The following KLHL29 variants were observed in gnomAD, a reference collection of about 807,000 sequenced individuals.
The protein encoded by KLHL29 is kelch-like protein 29.
In KLHL29, 21 loss-of-function variants were observed where a neutral mutation model predicts 80.4. The ratio of observed to expected loss-of-function variants is 0.26; its 90% CI spans 0.19 to 0.38. KLHL29 has a LOEUF of 0.38. Among genes scored for constraint, KLHL29 ranks in the 10% least tolerant of loss-of-function variants. The pLI is 1.00. For synonymous variants in KLHL29, 511 were observed against 526.8 expected, an observed-to-expected ratio of 0.97 and a Z score of 0.41; for missense variants, 867 against 1,223.9, an observed-to-expected ratio of 0.71 and a Z score of 4.35.
At position 23,434,245 on chromosome 2, in the gene KLHL29, C is replaced by T. The variant is rs187335317; in HGVS notation, c.-153-41315C>T. Among the ~76,000 whole-genome samples, 76 of 134,100 alleles carry T rather than the reference C, an allele frequency of 5.7e-4. No homozygotes were observed. The East Asian group carries it at 0.016, about 29-fold the overall frequency. 88.0% of individuals were successfully genotyped at this position (134,100 alleles called of 152,430 possible). A position where few individuals can be genotyped will look rare whatever the true frequency, so the allele number is the denominator to read the frequency against. On this transcript the variant is annotated intron_variant, in intron 1 of 13. Coordinates refer to ENST00000486442, the MANE Select transcript of KLHL29 (RefSeq NM_052920.2). ...CTGAGGCAGGAGAATGGTGTGAACC[C>T]GGGAGGCGGAGCTTGCAGTGAGCCG...
chr2:23,603,899 C>T (rs569123680), intron 3 of KLHL29, among the ~76,000 whole-genome samples: 6 of 152,328 alleles, frequency 3.9e-5, no homozygotes, highest in South Asian at 4.1e-4. Context: ...ACATTGTCCC[C>T]GTCTCCTCCA....
intron 2 of KLHL29, among the ~76,000 whole-genome samples, chr2:23,543,080 G>A (rs1051689182): frequency 7.9e-5 from 12 of 152,176 alleles, no homozygotes; most frequent in Non-Finnish European, 1.3e-4. Flanking sequence ...CCAGGAGCCC[G>A]AGAAGAACCA....
chr2:23,452,907 C>CA lies in KLHL29; in HGVS notation c.-153-22653_-153-22652insA, dbSNP rs1488115181. ...AGGGACTCTGAAGACTGGTCACCCC[C>CA]CCGCCCACACACACACACACATCCC... On this transcript the variant is annotated intron_variant, in intron 1 of 13. Coordinates refer to ENST00000486442, the MANE Select transcript of KLHL29 (RefSeq NM_052920.2). Among the ~76,000 whole-genome samples the CA allele has an allele frequency of 9.9e-4, 139 of 139,762 alleles. No individual in the cohort carries two copies. In the South Asian group the frequency reaches 0.012, roughly 12 times the overall value. The allele number at this position is 139,762 out of a possible 152,430, so 91.7% of individuals were successfully genotyped here.
At chr2:23,483,121 ATTG>A (rs1664845422) in intron 2 of KLHL29, among the ~76,000 whole-genome samples, 2 of 152,202 alleles carry the variant, frequency 1.3e-5, no homozygotes, top group South Asian at 4.2e-4. Flanking sequence ...AATGCTAGGC[ATTG>A]TTGTAGGCAC....
At chr2:23,525,726 G>GCCCCCCC (rs746729913) in intron 2 of KLHL29, among the ~76,000 whole-genome samples, 26 of 62,584 alleles carry the variant, frequency 4.2e-4, no homozygotes, top group Admixed American at 7.5e-4. Flanking sequence ...CCCAGCCCCT[G>GCCCCCCC]CCCCCCCCCC....
chr2:23,432,943 CAG>C (rs542918099), intron 1 of KLHL29, among the ~76,000 whole-genome samples: 119 of 152,202 alleles, frequency 7.8e-4, no homozygotes, highest in African/African-American at 2.6e-3. Flanking sequence ...GTGAGGGAGA[CAG>C]GGGTTGCGAG....
intron 2 of KLHL29, among the ~76,000 whole-genome samples, chr2:23,484,325 G>A (rs77761119): frequency 3.0e-4 from 45 of 152,338 alleles, no homozygotes; most frequent in East Asian, 1.9e-3. Context: ...GAAGACAGAC[G>A]TAGCCTAGCA....
At chr2:23,425,219 G>C (rs1449648770) in intron 1 of KLHL29, among the ~76,000 whole-genome samples, 2 of 152,050 alleles carry the variant, frequency 1.3e-5, no homozygotes, top group African/African-American at 4.8e-5. Context: ...ATGATAAAAT[G>C]ATTTTTTTTA....
At chr2:23,580,833 C>T (rs1254537315) in intron 3 of KLHL29, among the ~76,000 whole-genome samples, 1 of 121,602 alleles carries the variant, frequency 8.2e-6, no homozygotes, top group East Asian at 2.7e-4. Flanking sequence ...AAAAAATTAG[C>T]TTAGCGTGGT....
chr2:23,426,489 G>A (rs980992450), intron 1 of KLHL29, among the ~76,000 whole-genome samples: 71 of 152,248 alleles, frequency 4.7e-4, no homozygotes, highest in African/African-American at 1.6e-3. Context: ...TCTGCCCCTC[G>A]GGGTCTCCCA....
In KLHL29 at chr2:23,682,247, A is replaced by G. The variant is rs940068560; in HGVS notation, c.941-2152A>G. Reference sequence around the variant, plus strand: ...ACCGTCACCATCAGCAGCACTGCACACTCCCACCCGCTGAGCGCTCCCTGT... The same window carrying G: ...ACCGTCACCATCAGCAGCACTGCACGCTCCCACCCGCTGAGCGCTCCCTGT... On this transcript the variant is annotated intron_variant, in intron 5 of 13. Coordinates refer to ENST00000486442, the MANE Select transcript of KLHL29 (RefSeq NM_052920.2). The surrounding 1 kb of genome is among the most constrained non-coding windows in gnomAD (Gnocchi z 4.1). Among the ~76,000 whole-genome samples the G allele has an allele frequency of 2.6e-5, 4 of 151,596 alleles. No homozygotes were observed. The highest frequency in any genetic ancestry group is 9.7e-5 in the African/African-American group (4 of 41,210).
intron 3 of KLHL29, among the ~76,000 whole-genome samples, chr2:23,600,936 C>T (rs1239410221): frequency 6.6e-6 from 1 of 152,226 alleles, no homozygotes; most frequent in Non-Finnish European, 1.5e-5. Flanking sequence ...TGAGTGCCTA[C>T]AGTGTATGTG....
intron 2 of KLHL29, among the ~76,000 whole-genome samples, chr2:23,505,037 G>A (rs1665560120): frequency 6.6e-6 from 1 of 152,238 alleles, no homozygotes; most frequent in African/African-American, 2.4e-5. Context: ...CCTTCCCGCT[G>A]GGAACAAAAC....
chr2:23,695,709 C>A lies in KLHL29; in HGVS notation c.1629C>A (p.Ile543=). ...ATGTGGTTGACAATGAAGAGCTGATCAAGTCATCAGAAGCCTGCCGGGACC... is the reference window on the plus strand; with the variant it reads ...ATGTGGTTGACAATGAAGAGCTGATAAAGTCATCAGAAGCCTGCCGGGACC... ...LLNVVDNEEL[I]KSSEACRDLV... is the part of the protein sequence containing the mutation. The change falls in exon 9 of 14, where the codon ATC becomes ATA. Residue 543 remains isoleucine (I), a synonymous_variant. Transcript: ENST00000486442. The surrounding 1 kb of genome is among the most constrained non-coding windows in gnomAD (Gnocchi z 7.6). 6.4e-7 allele frequency: 1 copy of A among 1,551,614 alleles called. No individual in the cohort carries two copies. Among genetic ancestry groups the A allele is most frequent in the Non-Finnish European group, 8.7e-7 (1 of 1,146,954 alleles).
intron 1 of KLHL29, among the ~76,000 whole-genome samples, chr2:23,390,558 A>G (rs1666292587): frequency 6.6e-6 from 1 of 152,142 alleles, no homozygotes; most frequent in South Asian, 2.1e-4. Context: ...ATATATATAC[A>G]CATACATATA....
intron 3 of KLHL29, among the ~76,000 whole-genome samples, chr2:23,633,615 C>G (rs577815808): frequency 3.3e-5 from 5 of 152,136 alleles, no homozygotes; most frequent in Admixed American, 3.3e-4. Flanking sequence ...GACTAGTAAC[C>G]CTTGGTGATG....
At chr2:23,610,061 G>A (rs1204672758) in intron 3 of KLHL29, among the ~76,000 whole-genome samples, 1 of 152,150 alleles carries the variant, frequency 6.6e-6, no homozygotes, top group Non-Finnish European at 1.5e-5. Flanking sequence ...GGATCACATG[G>A]TATCAGAAGC....
At chr2:23,576,526 A>G (rs142677742) in intron 3 of KLHL29, among the ~76,000 whole-genome samples, 2 of 152,274 alleles carry the variant, frequency 1.3e-5, no homozygotes, top group East Asian at 3.9e-4. Context: ...GGTTCCATGT[A>G]CCACATCGGG....
At position 23,567,223 on chromosome 2, in the gene KLHL29, C is replaced by T. The variant is rs115623945; in HGVS notation, c.285+4742C>T. On this transcript the variant is annotated intron_variant, in intron 3 of 13. Transcript: ENST00000486442. ...CTTGACAGATGAAACAGAAAAGGGA[C>T]GGCTTCATAAAATGCAATTTTGTTC... Among the ~76,000 whole-genome samples, 1,405 of 152,318 alleles carry T rather than the reference C, an allele frequency of 9.2e-3. 26 individuals are homozygous for T. The highest frequency in any genetic ancestry group is 0.032 in the African/African-American group (1,315 of 41,570).
Sources: allele counts gnomAD v4.1 joint callset (sites outside exome capture counted in the v4.1 genomes callset), GRCh38; gene constraint gnomAD v4.1.1; non-coding constraint Gnocchi (gnomAD v3.1); transcripts MANE v1.5; gene names NCBI Gene and HGNC (gene_info 2026-07-23, HGNC 2026-07-21).